Variants in TNIK observed in about 807,000 individuals in gnomAD.
TNIK encodes the protein TRAF2 and NCK interacting kinase.
Under a neutral mutation model 191.3 loss-of-function variants are expected in TNIK, and 49 were observed. The ratio of observed to expected loss-of-function variants is 0.26; its 90% CI spans 0.20 to 0.32. The LOEUF (loss-of-function observed/expected upper bound fraction) is 0.32. Among genes scored for constraint, TNIK ranks in the 10% least tolerant of loss-of-function variants. The pLI is 1.00. For synonymous variants in TNIK, 594 were observed against 600.9 expected, an observed-to-expected ratio of 0.99 and a Z score of 0.17; for missense variants, 1,155 against 1,702.3, an observed-to-expected ratio of 0.68 and a Z score of 5.66.
intron 15 of TNIK, among the ~76,000 whole-genome samples, chr3:171,133,294 G>A (rs1729564330): frequency 6.6e-6 from 1 of 152,176 alleles, no homozygotes; most frequent in Admixed American, 6.5e-5. Context: ...GTTGATATAG[G>A]AAATAAAGAA....
intron 1 of TNIK, among the ~76,000 whole-genome samples, chr3:171,430,668 G>C (rs1340057545): frequency 6.9e-6 from 1 of 144,426 alleles, no homozygotes; most frequent in African/African-American, 2.5e-5. Context: ...AAAAAGAAAT[G>C]AAATTAATAT....
Position 171,426,643 on chromosome 3 carries a change from T to C in TNIK, c.57+33364A>G, listed in dbSNP as rs530327363. Among the ~76,000 whole-genome samples, 7 of 152,218 alleles carry C rather than the reference T, an allele frequency of 4.6e-5. No homozygotes were observed. In the South Asian group the frequency reaches 1.5e-3, roughly 32 times the overall value. ...TATTCAGGTCTACCTTGCTTCAACC[T>C]CCCTCCTTTTTGAACTGGAGCCCCA... On this transcript the variant is annotated intron_variant, in intron 1 of 32. Transcript: ENST00000436636.
chr3:171,172,085 G>T (rs971016099), intron 9 of TNIK, among the ~76,000 whole-genome samples: 1 of 152,128 alleles, frequency 6.6e-6, no homozygotes, highest in Admixed American at 6.5e-5. Flanking sequence ...GATGACAGTG[G>T]AAAGAGCAGT....
chr3:171,248,040 G>C (rs73171558), intron 2 of TNIK, among the ~76,000 whole-genome samples: 4,454 of 152,278 alleles, frequency 0.029, 93 homozygotes, highest in Middle Eastern at 0.044. Flanking sequence ...AACAGAAACA[G>C]CAGGAGGAGT....
At chr3:171,260,843 T>C (rs1006069652) in intron 2 of TNIK, among the ~76,000 whole-genome samples, 1 of 152,226 alleles carries the variant, frequency 6.6e-6, no homozygotes, top group Non-Finnish European at 1.5e-5. Flanking sequence ...TCAAATAGGA[T>C]GTTTTTCCAA....
At chr3:171,284,203 T>C (rs1190511142) in intron 2 of TNIK, among the ~76,000 whole-genome samples, 5 of 152,116 alleles carry the variant, frequency 3.3e-5, no homozygotes, top group Non-Finnish European at 5.9e-5. Flanking sequence ...TTGAGAACCA[T>C]TGAGCATTCT....
chr3:171,141,099 C>T (rs1576942097), intron 12 of TNIK, among the ~76,000 whole-genome samples: 1 of 152,152 alleles, frequency 6.6e-6, no homozygotes, highest in African/African-American at 2.4e-5. Flanking sequence ...CAAGTTCTTG[C>T]TCGAATAAGA....
intron 16 of TNIK, among the ~76,000 whole-genome samples, chr3:171,126,986 CT>C (rs1728566215): frequency 6.6e-6 from 1 of 152,218 alleles, no homozygotes; most frequent in Admixed American, 6.5e-5. Flanking sequence ...ATAGTTAGTG[CT>C]TATCTAAGCG....
intron 2 of TNIK, among the ~76,000 whole-genome samples, chr3:171,266,053 G>A (rs958518155): frequency 2.0e-5 from 3 of 152,154 alleles, no homozygotes; most frequent in African/African-American, 7.2e-5. Context: ...ATGTAAATGC[G>A]GCACGGGCCC....
Position 171,093,890 on chromosome 3 carries a change from C to T in TNIK, c.2670G>A (p.Ala890=), listed in dbSNP as rs374433913. Residue 890 remains alanine, a synonymous_variant, in exon 23 of 33, where the codon GCG becomes GCA. Transcript: ENST00000436636. Reference sequence around the variant, plus strand: ...TTGAAATACTGCCGCTGAAACTGTCCGCATGAGAGGTCTCCAGCCCATGCG... The same window carrying T: ...TTGAAATACTGCCGCTGAAACTGTCTGCATGAGAGGTCTCCAGCCCATGCG... ...VGTHGLETSH[A]DSFSGSISRE... The T allele has an allele frequency of 1.1e-5, 18 of 1,613,794 alleles. No individual in the cohort carries two copies. The highest frequency in any genetic ancestry group is 5.3e-5 in the African/African-American group (4 of 74,916).
chr3:171,087,331 C>A lies in TNIK; in HGVS notation c.2886+11G>T. 6.2e-7 allele frequency: 1 copy of A among 1,613,640 alleles called. No individual in the cohort carries two copies. On this transcript the variant is annotated intron_variant, in intron 24 of 32. Transcript: ENST00000436636. ...GCAGAACTGTCATGTCAGCTGTTGC[C>A]CAGCACCTACTTCAGTCCCAGAGTC...
chr3:171,262,952 T>C (rs1412073949), intron 2 of TNIK, among the ~76,000 whole-genome samples: 2 of 152,152 alleles, frequency 1.3e-5, no homozygotes, highest in African/African-American at 4.8e-5. Flanking sequence ...GAAACACTCA[T>C]AGAAAGAGAC....
chr3:171,380,776 C>T (rs1051788127), intron 1 of TNIK, among the ~76,000 whole-genome samples: 1 of 152,230 alleles, frequency 6.6e-6, no homozygotes. Flanking sequence ...TAATGCCTTT[C>T]GGCCAAGGGC....
intron 1 of TNIK, among the ~76,000 whole-genome samples, chr3:171,395,031 C>G (rs994825604): frequency 6.6e-6 from 1 of 152,068 alleles, no homozygotes; most frequent in Non-Finnish European, 1.5e-5. Context: ...ATAAACTAAA[C>G]AATATACGGC....
chr3:171,082,568 T>C lies in TNIK; in HGVS notation c.3170-174A>G, dbSNP rs543990668. On this transcript the variant is annotated intron_variant, in intron 26 of 32. Coordinates refer to ENST00000436636, the MANE Select transcript of TNIK (RefSeq NM_015028.4). ...TGACATAATAATTAAATCATTGTACTTCTGGTAATGAAATTACAGTTTTCT... is the reference window on the plus strand; with the variant it reads ...TGACATAATAATTAAATCATTGTACCTCTGGTAATGAAATTACAGTTTTCT... 6 of 735,708 alleles carry C rather than the reference T, an allele frequency of 8.2e-6. No homozygotes were observed. The Admixed American group carries it at 1.6e-4, about 20-fold the overall frequency. 45.6% of individuals were successfully genotyped at this position (735,708 alleles called of 1,614,324 possible).
intron 1 of TNIK, among the ~76,000 whole-genome samples, chr3:171,381,858 C>T (rs1012935477): frequency 3.9e-4 from 60 of 152,180 alleles, no homozygotes; most frequent in African/African-American, 1.4e-3. Context: ...TAGAACACTA[C>T]AGCCATTTCT....
chr3:171,299,206 C>A (rs552326180), intron 2 of TNIK, among the ~76,000 whole-genome samples: 11 of 152,304 alleles, frequency 7.2e-5, no homozygotes, highest in Admixed American at 5.9e-4. Flanking sequence ...TAGGGCACAG[C>A]CGCAGGCTTC....
In TNIK at chr3:171,133,083, T is replaced by A. The variant is rs1217956862; in HGVS notation, c.1609-4205A>T. Among the ~76,000 whole-genome samples the A allele has an allele frequency of 2.0e-5, 3 of 152,334 alleles. No homozygotes were observed. The South Asian group carries it at 6.2e-4, about 32-fold the overall frequency. Reference sequence around the variant, plus strand: ...TGGGCAGATGGTTACTGAGCAAGTTTGAGGATGCCCCTGCTCCGGGTCACC... The same window carrying A: ...TGGGCAGATGGTTACTGAGCAAGTTAGAGGATGCCCCTGCTCCGGGTCACC... On this transcript the variant is annotated intron_variant, in intron 15 of 32. Transcript: ENST00000436636.
Position 171,292,251 on chromosome 3 carries a change from C to T in TNIK, c.124-64030G>A, listed in dbSNP as rs76874479. On this transcript the variant is annotated intron_variant, in intron 2 of 32. Transcript: ENST00000436636. ...TCCATTTTCCCTTGAGAATGGGTCACATTTTCCAGGTTCTTTGTAGCTAAA... is the reference window on the plus strand; with the variant it reads ...TCCATTTTCCCTTGAGAATGGGTCATATTTTCCAGGTTCTTTGTAGCTAAA... Among the ~76,000 whole-genome samples the T allele has an allele frequency of 3.8e-3, 586 of 152,326 alleles. 17 individuals are homozygous for T. In the East Asian group the frequency reaches 0.081, roughly 21 times the overall value.
Sources: gnomAD v4.1 joint callset for allele counts (sites outside exome capture counted in the v4.1 genomes callset) on GRCh38, gnomAD v4.1.1 for gene constraint, MANE v1.5 for transcripts, NCBI Gene and HGNC (gene_info 2026-07-23, HGNC 2026-07-21) for gene names.